The following LGI2 variants were observed in gnomAD, a reference collection of about 807,000 sequenced individuals.
LGI2 encodes leucine rich repeat LGI family member 2.
Under a neutral mutation model 52.0 loss-of-function variants are expected in LGI2, and 30 were observed. The ratio of observed to expected loss-of-function variants is 0.58; its 90% CI spans 0.43 to 0.78. LGI2 has a LOEUF of 0.78. LGI2 is among the 30% of genes least tolerant of loss of function. The pLI is 0.00. For synonymous variants in LGI2, 270 were observed against 271.8 expected, an observed-to-expected ratio of 0.99 and a Z score of 0.06; for missense variants, 573 against 692.5, an observed-to-expected ratio of 0.83 and a Z score of 1.94.
Position 25,023,542 on chromosome 4 carries a change from T to C in LGI2, c.413+1278A>G, listed in dbSNP as rs532017649. On this transcript the variant is annotated intron_variant, in intron 4 of 7. Coordinates refer to ENST00000382114, the MANE Select transcript of LGI2 (RefSeq NM_018176.4). ...CAGAATCAAGTGTTTGCTTGGCCTA[T>C]TGACAACCCCCTTTGCCAATATCGG... 1.2e-4 allele frequency among the ~76,000 whole-genome samples: 18 copies of C among 152,332 alleles called. No homozygotes were observed. The South Asian group carries it at 1.2e-3, about 11-fold the overall frequency.
At chr4:25,019,402 A>G (rs183007004) in intron 4 of LGI2, among the ~76,000 whole-genome samples, 164 bp from the exon 5 acceptor site, 82 of 140,724 alleles carry the variant, frequency 5.8e-4, no homozygotes, top group African/African-American at 2.2e-3. Context: ...ATGCTGGATT[A>G]TAATATACAT....
chr4:25,024,999 A>G, intron 3 of LGI2, 108 bp from the exon 4 acceptor site: 2 of 743,638 alleles, frequency 2.7e-6, no homozygotes, highest in Non-Finnish European at 4.3e-6. Flanking sequence ...CCTGAATTAT[A>G]AGAATTGATC....
At position 25,030,698 on chromosome 4, in the gene LGI2, G is replaced by C; in HGVS notation, c.-5C>G. 3 of 1,336,408 alleles carry C rather than the reference G, an allele frequency of 2.2e-6. No homozygotes were observed. The highest frequency in any genetic ancestry group is 2.9e-6 in the Non-Finnish European group (3 of 1,049,986). The allele number at this position is 1,336,408 out of a possible 1,614,324, so 82.8% of individuals were successfully genotyped here. ...GCCGCCTCTCCGCAGCGCCATGCCC[G>C]GTCCCCGCTCCCCGCCCGGGCCCCG... On this transcript the variant is annotated 5_prime_UTR_variant, in exon 1 of 8. Coordinates refer to ENST00000382114, the MANE Select transcript of LGI2 (RefSeq NM_018176.4).
chr4:25,004,386 A>G lies in LGI2; in HGVS notation c.821-118T>C, dbSNP rs1725340056. On this transcript the variant is annotated intron_variant, in intron 7 of 7. Coordinates refer to ENST00000382114, the MANE Select transcript of LGI2 (RefSeq NM_018176.4). This position sits in a 1 kb window ranked among gnomAD's most constrained non-coding sequence, Gnocchi z 4.6. ...AAATGGCACAGCCACTATGGAAAAC[A>G]GTATGGTGGTTCCTTGAAAAATTAA... The G allele has an allele frequency of 1.1e-6, 1 of 887,436 alleles. No homozygotes were observed. The highest frequency in any genetic ancestry group is 1.7e-6 in the Non-Finnish European group (1 of 581,792). The allele number at this position is 887,436 out of a possible 1,614,324, so 55.0% of individuals were successfully genotyped here.
Position 25,028,544 on chromosome 4 carries a change from C to A in LGI2, c.232G>T (p.Asp78Tyr), listed in dbSNP as rs574752875. The stretch of plus-strand genomic sequence containing the variant: ...GAAGGCAGATGGGAAAACATTCGGT[C>A]CTTGATTTCTGAAAACGTCCCATTT... Reference protein sequence around the residue: ...LVNGTFSEIKDRMFSHLPSLQ... With the variant: ...LVNGTFSEIKYRMFSHLPSLQ... Residue 78 changes from aspartate to tyrosine, a missense_variant, in exon 2 of 8, where the codon GAC becomes TAC. Physicochemically the swap from Asp to Tyr is radical, Grantham distance 160 (BLOSUM62 -3). Transcript: ENST00000382114. The A allele has an allele frequency of 8.1e-6, 13 of 1,613,484 alleles. No homozygotes were observed. Among genetic ancestry groups the A allele is most frequent in the Non-Finnish European group, 1.0e-5 (12 of 1,179,886 alleles).
chr4:25,018,240 G>C, intron 5 of LGI2, 82 bp from the exon 6 acceptor site: 1 of 973,068 alleles, frequency 1.0e-6, no homozygotes. Flanking sequence ...CGAAACTCCA[G>C]AATTATTAAC....
chr4:25,008,494 A>G (rs1037503277), intron 7 of LGI2, among the ~76,000 whole-genome samples: 7 of 146,196 alleles, frequency 4.8e-5, no homozygotes, highest in Non-Finnish European at 9.0e-5. Context: ...TGGAGGTTGC[A>G]GTGAGCTGAG....
chr4:25,022,360 C>T (rs1469827050), intron 4 of LGI2, among the ~76,000 whole-genome samples: 1 of 152,180 alleles, frequency 6.6e-6, no homozygotes, highest in Non-Finnish European at 1.5e-5. Flanking sequence ...TGAGGAAAAG[C>T]AGTGGGATGG....
intron 4 of LGI2, among the ~76,000 whole-genome samples, chr4:25,021,979 G>C (rs1468967130): frequency 6.7e-6 from 1 of 150,176 alleles, no homozygotes; most frequent in Non-Finnish European, 1.5e-5. Flanking sequence ...CAGAAGTAGA[G>C]CACATATGGG....
chr4:25,030,085 C>A (rs936585029), intron 1 of LGI2, among the ~76,000 whole-genome samples: 2 of 116,738 alleles, frequency 1.7e-5, no homozygotes, highest in African/African-American at 2.8e-5. Flanking sequence ...ACAACTCCAA[C>A]CCGCAAACAC....
intron 6 of LGI2, among the ~76,000 whole-genome samples, chr4:25,015,830 CTA>C (rs1725739896): frequency 1.3e-5 from 2 of 152,126 alleles, no homozygotes; most frequent in Non-Finnish European, 2.9e-5. Flanking sequence ...ACAGCGGGGC[CTA>C]TGTTTGGGGG....
chr4:25,028,660 C>T (rs2109428478), intron 1 of LGI2, 82 bp from the exon 2 acceptor site: 1 of 1,151,898 alleles, frequency 8.7e-7, no homozygotes, highest in East Asian at 2.5e-5. Flanking sequence ...ACTCTGCCTC[C>T]ACCTGTACTT....
chr4:25,012,531 C>T (rs757653018), intron 6 of LGI2, 32 bp from the exon 7 acceptor site: 2 of 1,608,182 alleles, frequency 1.2e-6, no homozygotes, highest in African/African-American at 2.7e-5. Context: ...GAAAAGCGTT[C>T]ATAAAATCTC....
At chr4:25,018,738 T>C (rs1434529566) in intron 5 of LGI2, among the ~76,000 whole-genome samples, 3 of 152,070 alleles carry the variant, frequency 2.0e-5, no homozygotes, top group African/African-American at 7.2e-5. Context: ...GGTGTGCGCC[T>C]GTAGTCCCAG....
chr4:25,024,690 T>C (rs368825304), intron 4 of LGI2, 130 bp downstream of exon 4: 8 of 600,376 alleles, frequency 1.3e-5, no homozygotes, highest in African/African-American at 3.7e-5. Flanking sequence ...ACTGACAACA[T>C]AGAAACCTCT....
chr4:25,012,236 G>A, intron 7 of LGI2, 99 bp downstream of exon 7: 1 of 1,355,386 alleles, frequency 7.4e-7, no homozygotes, highest in Non-Finnish European at 1.0e-6. Context: ...CCAGGTTAGA[G>A]AGCCGAGCTC....
chr4:25,017,528 T>A (rs1725809997), intron 6 of LGI2, among the ~76,000 whole-genome samples: 1 of 107,176 alleles, frequency 9.3e-6, no homozygotes, highest in Non-Finnish European at 1.7e-5. Context: ...GGCGACAGAG[T>A]AAGACTCTGC....
chr4:25,004,089 T>C lies in LGI2; in HGVS notation c.1000A>G (p.Ile334Val). ...SKPNDIELFQ[I>V]DDETFFVIAD... ...ATGACAAAGAACGTCTCGTCGTCGATCTGAAACAGCTCGATGTCATTGGGC... is the reference window on the plus strand; with the variant it reads ...ATGACAAAGAACGTCTCGTCGTCGACCTGAAACAGCTCGATGTCATTGGGC... Residue 334 changes from isoleucine (I) to valine (V), a missense_variant, in exon 8 of 8, where the codon ATC (isoleucine) becomes GTC (valine). Ile to Val is a conservative substitution (Grantham distance 29). Coordinates refer to ENST00000382114, the MANE Select transcript of LGI2 (RefSeq NM_018176.4). The surrounding 1 kb of genome is among the most constrained non-coding windows in gnomAD (Gnocchi z 4.6). 3.1e-6 allele frequency: 5 copies of C among 1,614,212 alleles called. No individual in the cohort carries two copies. The highest frequency in any genetic ancestry group is 3.4e-6 in the Non-Finnish European group (4 of 1,180,038).
intron 3 of LGI2, among the ~76,000 whole-genome samples, chr4:25,025,683 A>C (rs946001189): frequency 4.6e-5 from 7 of 152,370 alleles, no homozygotes; most frequent in African/African-American, 1.7e-4. Context: ...GTCAAATATA[A>C]GAGGGTCTTT....
Sources: gnomAD v4.1 joint callset for allele counts (sites outside exome capture counted in the v4.1 genomes callset) on GRCh38, gnomAD v4.1.1 for gene constraint, Gnocchi (gnomAD v3.1) non-coding constraint, MANE v1.5 for transcripts, NCBI Gene and HGNC (gene_info 2026-07-23, HGNC 2026-07-21) for gene names.